Variants in CCDC102B observed in about 807,000 individuals in gnomAD.
The protein encoded by CCDC102B is coiled-coil domain-containing protein 102B.
Under a neutral mutation model 57.4 loss-of-function variants are expected in CCDC102B, and 75 were observed. The observed-to-expected ratio is 1.31, with a 90% CI of 1.08 to 1.58. The LOEUF is 1.58. Among genes scored for constraint, CCDC102B ranks in the 40% most tolerant of loss-of-function variants. The pLI is 0.00. For synonymous variants in CCDC102B, 206 were observed against 201.9 expected (o/e 1.02, Z -0.17); for missense variants, 636 against 582.6 (o/e 1.09, Z -0.94).
At chr18:68,756,008 T>C (rs2034035296) in intron 2 of CCDC102B, among the ~76,000 whole-genome samples, 1 of 151,448 alleles carries the variant, frequency 6.6e-6, no homozygotes, top group Admixed American at 6.6e-5. Context: ...ATTCTAAATA[T>C]CAAAATACAT....
intron 1 of CCDC102B, among the ~76,000 whole-genome samples, chr18:68,806,106 A>G (rs1302803948): frequency 6.6e-6 from 1 of 152,186 alleles, no homozygotes; most frequent in East Asian, 1.9e-4. Flanking sequence ...TAAAAATAAA[A>G]TTATATGTAT....
At chr18:69,006,292 C>G (rs78980805) in intron 6 of CCDC102B, among the ~76,000 whole-genome samples, 1 of 152,086 alleles carries the variant, frequency 6.6e-6, no homozygotes, top group Non-Finnish European at 1.5e-5. Context: ...TACTATAACA[C>G]GTACGGAAAG....
intron 6 of CCDC102B, among the ~76,000 whole-genome samples, chr18:68,928,013 G>T (rs1014247724): frequency 8.6e-5 from 13 of 151,888 alleles, no homozygotes; most frequent in African/African-American, 2.7e-4. Context: ...AGCACTTGAA[G>T]TTGGGATTTG....
In CCDC102B at chr18:68,927,228, A is replaced by G. The variant is rs1452565953; in HGVS notation, c.1263+29800A>G. Among the ~76,000 whole-genome samples, 4 of 151,996 alleles carry G rather than the reference A, an allele frequency of 2.6e-5. No individual in the cohort carries two copies. The East Asian group carries it at 7.7e-4, about 29-fold the overall frequency. On this transcript the variant is annotated intron_variant, in intron 6 of 7. Transcript: ENST00000360242. Reference sequence around the variant, plus strand: ...CTCATTAAGTTCCAGAATTTTTTAAATTAAATGTCCTCATAAGAATATTGT... The same window carrying G: ...CTCATTAAGTTCCAGAATTTTTTAAGTTAAATGTCCTCATAAGAATATTGT...
At position 68,787,057 on chromosome 18, in the gene CCDC102B, A is replaced by G. The variant is rs1195618018; in HGVS notation, c.-66-36309A>G. Among the ~76,000 whole-genome samples the G allele has an allele frequency of 4.0e-3, 604 of 150,090 alleles. 2 individuals are homozygous for G. The highest frequency in any genetic ancestry group is 0.013 in the African/African-American group (529 of 41,136). Reference sequence around the variant, plus strand: ...CATGAAGGGTTGTTGAATTTTGTCAAAGGCCTTTTCTGCATCTATTGAGAT... The same window carrying G: ...CATGAAGGGTTGTTGAATTTTGTCAGAGGCCTTTTCTGCATCTATTGAGAT... On this transcript the variant is annotated intron_variant, in intron 2 of 3. Transcript: ENST00000578970.
intron 6 of CCDC102B, among the ~76,000 whole-genome samples, chr18:68,994,283 A>G (rs2050955680): frequency 6.6e-6 from 1 of 152,262 alleles, no homozygotes; most frequent in South Asian, 2.1e-4. Context: ...TATACAGTGA[A>G]GTTTGTAAAT....
intron 6 of CCDC102B, among the ~76,000 whole-genome samples, chr18:68,927,436 G>A (rs1043677092): frequency 2.0e-5 from 3 of 151,920 alleles, no homozygotes; most frequent in Non-Finnish European, 4.4e-5. Context: ...CCCGTAGAGT[G>A]TAGACCTAAC....
chr18:68,845,309 C>T (rs544756859), intron 3 of CCDC102B, among the ~76,000 whole-genome samples: 131 of 151,874 alleles, frequency 8.6e-4, no homozygotes, highest in Non-Finnish European at 1.8e-3. Flanking sequence ...TTTCTAGTGA[C>T]ATTTAATATC....
At chr18:68,767,261 G>C (rs1183335734) in intron 2 of CCDC102B, among the ~76,000 whole-genome samples, 1 of 152,208 alleles carries the variant, frequency 6.6e-6, no homozygotes, top group Non-Finnish European at 1.5e-5. Context: ...ACCCTTGGGA[G>C]GTAAGGCCTT....
At chr18:68,744,120 G>A (rs1416974745) in intron 2 of CCDC102B, among the ~76,000 whole-genome samples, 1 of 152,072 alleles carries the variant, frequency 6.6e-6, no homozygotes, top group Non-Finnish European at 1.5e-5. Context: ...AACATGTTTA[G>A]GCAATTTATT....
intron 2 of CCDC102B, among the ~76,000 whole-genome samples, chr18:68,780,756 T>C (rs78512879): frequency 6.6e-6 from 1 of 152,230 alleles, no homozygotes; most frequent in East Asian, 1.9e-4. Context: ...TTTTGGCTGA[T>C]GTTACTTGGA....
At chr18:68,740,694 G>A (rs1246852761) in intron 2 of CCDC102B, among the ~76,000 whole-genome samples, 3 of 152,132 alleles carry the variant, frequency 2.0e-5, no homozygotes, top group Admixed American at 6.6e-5. Flanking sequence ...TGCCTCGGAC[G>A]GGACGGGTAC....
chr18:68,960,277 A>G (rs2050013668), intron 6 of CCDC102B, among the ~76,000 whole-genome samples: 1 of 152,146 alleles, frequency 6.6e-6, no homozygotes, highest in Admixed American at 6.6e-5. Flanking sequence ...GGGTGTGTCA[A>G]GAAATTATGA....
In CCDC102B at chr18:68,897,276, A is replaced by G. The variant is rs759867478; in HGVS notation, c.1111A>G (p.Arg371Gly). The G allele has an allele frequency of 1.9e-5, 30 of 1,613,178 alleles. No individual in the cohort carries two copies. Among genetic ancestry groups the G allele is most frequent in the Non-Finnish European group, 2.5e-5 (29 of 1,179,316 alleles). ...GTGGGACAAGAGGGAAATACTTGAAAGAGAAAAGCAGGGACTGGAGAGAGA... is the reference window on the plus strand; with the variant it reads ...GTGGGACAAGAGGGAAATACTTGAAGGAGAAAAGCAGGGACTGGAGAGAGA... ...SEWDKREILEREKQGLERENR... is the reference protein window; with the variant it reads ...SEWDKREILEGEKQGLERENR... The change falls in exon 6 of 8, where the codon AGA becomes GGA. Residue 371 changes from arginine (R) to glycine (G), a missense_variant. Coordinates refer to ENST00000360242, the MANE Select transcript of CCDC102B (RefSeq NM_024781.3).
chr18:68,719,302 C>G (rs2032196855), intron 2 of CCDC102B, among the ~76,000 whole-genome samples: 1 of 152,212 alleles, frequency 6.6e-6, no homozygotes, highest in African/African-American at 2.4e-5. Flanking sequence ...TTGGCTTATG[C>G]AGCTATGAAG....
intron 6 of CCDC102B, among the ~76,000 whole-genome samples, chr18:68,919,252 G>C (rs1239097617): frequency 6.6e-6 from 1 of 152,044 alleles, no homozygotes; most frequent in Non-Finnish European, 1.5e-5. Flanking sequence ...GTATGTGCAT[G>C]AGTATATATG....
At chr18:68,790,816 AC>A (rs1413902275) in intron 2 of CCDC102B, among the ~76,000 whole-genome samples, 8 of 152,134 alleles carry the variant, frequency 5.3e-5, no homozygotes, top group African/African-American at 1.9e-4. Flanking sequence ...GGAGCTGTAG[AC>A]CGGAGCTGTT....
chr18:68,797,671 A>G (rs1173744236), upstream of CCDC102B, among the ~76,000 whole-genome samples: 1 of 151,266 alleles, frequency 6.6e-6, no homozygotes, highest in East Asian at 1.9e-4. Flanking sequence ...TCTAATGCAA[A>G]TCAGATTGGA....
At chr18:68,980,277 C>G (rs1189363990) in intron 6 of CCDC102B, among the ~76,000 whole-genome samples, 1 of 148,388 alleles carries the variant, frequency 6.7e-6, no homozygotes, top group Non-Finnish European at 1.5e-5. Context: ...TTTAAACATA[C>G]CTGAAGTTTC....
Sources: allele counts gnomAD v4.1 joint callset (sites outside exome capture counted in the v4.1 genomes callset), GRCh38; gene constraint gnomAD v4.1.1; transcripts MANE v1.5; gene names NCBI Gene and HGNC (gene_info 2026-07-23, HGNC 2026-07-21).